ABHD17C: variants seen among roughly 807,000 people sequenced by gnomAD.
The protein encoded by ABHD17C is abhydrolase domain containing 17C, depalmitoylase, also known as alpha/beta hydrolase domain-containing protein 17C.
In ABHD17C, 11 loss-of-function variants were observed where a neutral mutation model predicts 27.9. That is an observed-to-expected ratio of 0.39 (90% confidence interval 0.25 to 0.65). The LOEUF is 0.65. Ranked by LOEUF, ABHD17C falls within the 30% of genes least tolerant of loss-of-function variation. The pLI, the probability that ABHD17C is intolerant of heterozygous loss-of-function variation, is 0.45. For synonymous variants in ABHD17C, 233 were observed against 209.1 expected (o/e 1.11, Z -0.98); for missense variants, 280 against 470.2 (o/e 0.60, Z 3.74).
At chr15:80,724,213 A>G (rs1227499528) in intron 1 of ABHD17C, among the ~76,000 whole-genome samples, 6 of 152,044 alleles carry the variant, frequency 3.9e-5, no homozygotes, top group African/African-American at 1.2e-4. Flanking sequence ...GTGGTGGGGC[A>G]TGCCTTTAAT....
Position 80,713,934 on chromosome 15 carries a change from A to G in ABHD17C, c.590+17915A>G, listed in dbSNP as rs1416383904. Among the ~76,000 whole-genome samples, 3 of 149,806 alleles carry G rather than the reference A, an allele frequency of 2.0e-5. No homozygotes were observed. The East Asian group carries it at 5.9e-4, about 29-fold the overall frequency. The stretch of plus-strand genomic sequence containing the variant: ...CACACACACACACACACACACACAC[A>G]CACACATATATTTATTTATTTATTA... On this transcript the variant is annotated intron_variant, in intron 1 of 2. Coordinates refer to ENST00000258884, the MANE Select transcript of ABHD17C (RefSeq NM_021214.2).
At chr15:80,724,736 T>TGC (rs1199213588) in intron 1 of ABHD17C, among the ~76,000 whole-genome samples, 2 of 152,280 alleles carry the variant, frequency 1.3e-5, no homozygotes, top group Non-Finnish European at 2.9e-5. Flanking sequence ...AAAAGTAACC[T>TGC]GCAGTGCTGT....
At chr15:80,741,012 G>C (rs1236527818) in intron 1 of ABHD17C, among the ~76,000 whole-genome samples, 1 of 152,170 alleles carries the variant, frequency 6.6e-6, no homozygotes, top group African/African-American at 2.4e-5. Context: ...ACCAAGAGCA[G>C]ACATTGCCGT....
chr15:80,751,122 G>A (rs751506850), intron 2 of ABHD17C, among the ~76,000 whole-genome samples: 1 of 151,900 alleles, frequency 6.6e-6, no homozygotes, highest in Admixed American at 6.6e-5. Flanking sequence ...GGCCAAGGAG[G>A]GTGGATTGCC....
chr15:80,744,500 A>G (rs1035291693), intron 1 of ABHD17C, among the ~76,000 whole-genome samples: 5 of 152,172 alleles, frequency 3.3e-5, no homozygotes, highest in African/African-American at 1.2e-4. Context: ...TTCCTCATTT[A>G]TTGTCCAACA....
At chr15:80,696,646 G>C (rs577627626) in intron 1 of ABHD17C, among the ~76,000 whole-genome samples, 31 of 152,238 alleles carry the variant, frequency 2.0e-4, no homozygotes, top group African/African-American at 7.5e-4. Context: ...CTTCCACACG[G>C]CCTCCATAAC....
chr15:80,699,564 A>G (rs1056611320), intron 1 of ABHD17C, among the ~76,000 whole-genome samples: 1 of 152,162 alleles, frequency 6.6e-6, no homozygotes, highest in African/African-American at 2.4e-5. Context: ...TCTTTTATCC[A>G]TTACCTATTT....
chr15:80,718,397 A>G (rs963878613), intron 1 of ABHD17C, among the ~76,000 whole-genome samples: 2 of 152,108 alleles, frequency 1.3e-5, no homozygotes, highest in Non-Finnish European at 2.9e-5. Context: ...CAGTAGCACA[A>G]TCTCGGCTCA....
intron 2 of ABHD17C, among the ~76,000 whole-genome samples, chr15:80,753,768 G>A (rs1596076103): frequency 6.6e-6 from 1 of 152,102 alleles, no homozygotes; most frequent in African/African-American, 2.4e-5. Context: ...ATTCTAAAAT[G>A]CAAAGTTGAT....
At chr15:80,706,287 C>T (rs961802811) in intron 1 of ABHD17C, among the ~76,000 whole-genome samples, 1 of 152,142 alleles carries the variant, frequency 6.6e-6, no homozygotes, top group Non-Finnish European at 1.5e-5. Flanking sequence ...GACCATGGCT[C>T]CATGGTGAAA....
intron 1 of ABHD17C, among the ~76,000 whole-genome samples, chr15:80,700,493 G>C (rs1164680915): frequency 6.6e-6 from 1 of 152,192 alleles, no homozygotes. Context: ...TACAGTCAGA[G>C]AAAGCAGATG....
chr15:80,700,029 T>G (rs1275929568), intron 1 of ABHD17C, among the ~76,000 whole-genome samples: 2 of 152,204 alleles, frequency 1.3e-5, no homozygotes, highest in Admixed American at 1.3e-4. Context: ...AAAATCAGGG[T>G]CACCTTATTG....
chr15:80,733,444 C>T (rs1434850453), intron 1 of ABHD17C, among the ~76,000 whole-genome samples: 2 of 152,122 alleles, frequency 1.3e-5, no homozygotes, highest in Non-Finnish European at 2.9e-5. Flanking sequence ...AGGCTTGGGT[C>T]CTAGGCTTAT....
intron 1 of ABHD17C, among the ~76,000 whole-genome samples, chr15:80,721,579 G>A (rs1390422863): frequency 6.6e-6 from 1 of 152,312 alleles, no homozygotes; most frequent in East Asian, 1.9e-4. Flanking sequence ...TAGCAAATGT[G>A]CCGTAAATGC....
At chr15:80,696,057 G>A (rs1408973545) in intron 1 of ABHD17C, 38 bp downstream of exon 1, 1 of 1,510,722 alleles carries the variant, frequency 6.6e-7, no homozygotes, top group South Asian at 1.2e-5. Flanking sequence ...ACTTCCAGCT[G>A]TGGGGAGGCG....
intron 1 of ABHD17C, among the ~76,000 whole-genome samples, chr15:80,711,178 C>G (rs1466443065): frequency 2.0e-5 from 3 of 152,188 alleles, no homozygotes; most frequent in East Asian, 3.8e-4. Flanking sequence ...AGGCGCTCTG[C>G]TCATCTGGCT....
At chr15:80,700,360 A>T (rs1050123480) in intron 1 of ABHD17C, among the ~76,000 whole-genome samples, 1 of 152,168 alleles carries the variant, frequency 6.6e-6, no homozygotes, top group African/African-American at 2.4e-5. Context: ...CTGTTTGGAC[A>T]TTTGTAACTT....
At chr15:80,710,112 C>T (rs1894709764) in intron 1 of ABHD17C, among the ~76,000 whole-genome samples, 2 of 152,142 alleles carry the variant, frequency 1.3e-5, no homozygotes, top group African/African-American at 4.8e-5. Context: ...GGGTATGCTT[C>T]ATTCAGAGAC....
At chr15:80,743,441 GT>G (rs543660981) in intron 1 of ABHD17C, among the ~76,000 whole-genome samples, 2 of 152,232 alleles carry the variant, frequency 1.3e-5, no homozygotes, top group South Asian at 4.2e-4. Context: ...TGCGGTTCCT[GT>G]CCTCCCTGCG....
Sources: allele counts gnomAD v4.1 joint callset (sites outside exome capture counted in the v4.1 genomes callset), GRCh38; gene constraint gnomAD v4.1.1; transcripts MANE v1.5; gene names NCBI Gene and HGNC (gene_info 2026-07-23, HGNC 2026-07-21).